Variants in RUNX1T1 observed in about 807,000 individuals in gnomAD.
RUNX1T1 encodes RUNX1 partner transcriptional co-repressor 1, also known as protein CBFA2T1.
In RUNX1T1, 4 loss-of-function variants were observed where a neutral mutation model predicts 62.8. The ratio of observed to expected loss-of-function variants is 0.06; its 90% CI spans 0.03 to 0.15. The LOEUF is 0.15. Among genes scored for constraint, RUNX1T1 ranks in the 10% least tolerant of loss-of-function variants. The probability of loss-of-function intolerance (pLI) is 1.00; values close to 1 mark genes in which losing one functional copy is unlikely to be tolerated. For synonymous variants in RUNX1T1, 291 were observed against 286.0 expected (o/e 1.02, Z -0.18); for missense variants, 508 against 754.3 (o/e 0.67, Z 3.82).
chr8:91,989,202 T>C (rs891194726), intron 6 of RUNX1T1, among the ~76,000 whole-genome samples: 4 of 152,136 alleles, frequency 2.6e-5, no homozygotes, highest in African/African-American at 9.7e-5. Flanking sequence ...AGGATTCTCG[T>C]GAGTATATGT....
intron 10 of RUNX1T1, among the ~76,000 whole-genome samples, chr8:91,961,044 G>A (rs181958071): frequency 9.5e-4 from 145 of 152,338 alleles, no homozygotes; most frequent in African/African-American, 3.4e-3. Context: ...TAGACAAGGT[G>A]AGGCAAAGTC....
At chr8:92,075,494 T>A (rs535050460) in intron 2 of RUNX1T1, among the ~76,000 whole-genome samples, 18 of 152,308 alleles carry the variant, frequency 1.2e-4, no homozygotes, top group African/African-American at 4.3e-4. Context: ...TGCCTAAAAG[T>A]TTTTTAAAAA....
At chr8:92,102,008 C>T (rs1255695400), upstream of RUNX1T1, among the ~76,000 whole-genome samples, 1 of 152,214 alleles carries the variant, frequency 6.6e-6, no homozygotes, top group Non-Finnish European at 1.5e-5. This position sits in a 1 kb window ranked among gnomAD's most constrained non-coding sequence, Gnocchi z 4.5. Context: ...GTCTGGACCC[C>T]TTCGGGCGGG....
intron 1 of RUNX1T1, among the ~76,000 whole-genome samples, chr8:92,040,454 C>T (rs1326546800): frequency 6.6e-6 from 1 of 152,158 alleles, no homozygotes; most frequent in Non-Finnish European, 1.5e-5. Flanking sequence ...GCTTAGCACA[C>T]AGCTAATTCT....
intron 1 of RUNX1T1, among the ~76,000 whole-genome samples, chr8:92,028,076 T>TGGGG (rs57015512): frequency 2.5e-5 from 1 of 40,304 alleles, no homozygotes; most frequent in Admixed American, 3.6e-4. Flanking sequence ...ATGGAATAAA[T>TGGGG]GGGGGGGGGG....
exon 2 of RUNX1T1, chr8:92,076,065 G>C: frequency 6.2e-7 from 1 of 1,606,472 alleles, no homozygotes; most frequent in Non-Finnish European, 8.5e-7. Context: ...TCCACCAATC[G>C]CTCTGCTAAT....
rs761199947 is a variant in RUNX1T1 at position 92,062,715 on chromosome 8, A to C, written c.-163T>G. The C allele has an allele frequency of 5.3e-5, 83 of 1,578,566 alleles. 1 individual carries two copies. In the South Asian group the frequency reaches 6.2e-4, roughly 12 times the overall value. The stretch of plus-strand genomic sequence containing the variant: ...AGGGTGCTGGGCGCGTGCGCCTGCC[A>C]GGCAGAGACAGATGGAGAGCTGACA... On this transcript the variant is annotated 5_prime_UTR_variant, in exon 1 of 11. Coordinates refer to ENST00000396218, the Ensembl canonical transcript of RUNX1T1.
intron 10 of RUNX1T1, among the ~76,000 whole-genome samples, chr8:91,961,205 A>G (rs2130434839): frequency 6.6e-6 from 1 of 152,346 alleles, no homozygotes; most frequent in South Asian, 2.1e-4. Context: ...TATCTGAAGC[A>G]CCCAGAATGG....
intron 1 of RUNX1T1, among the ~76,000 whole-genome samples, chr8:92,024,978 T>G (rs1328705426): frequency 1.3e-5 from 2 of 152,168 alleles, no homozygotes; most frequent in Non-Finnish European, 2.9e-5. Context: ...GCATTCTTGG[T>G]CAAATGCCTG....
chr8:91,984,251 T>C (rs993076658), intron 8 of RUNX1T1, among the ~76,000 whole-genome samples: 2 of 152,196 alleles, frequency 1.3e-5, no homozygotes, highest in East Asian at 3.9e-4. Flanking sequence ...CTGGAGAACA[T>C]GATATATACC....
intron 1 of RUNX1T1, among the ~76,000 whole-genome samples, chr8:92,046,691 C>T (rs1829462993): frequency 6.6e-6 from 1 of 152,150 alleles, no homozygotes; most frequent in South Asian, 2.1e-4. Context: ...TGCAGCCTGA[C>T]TGTTAGTTTA....
At chr8:92,011,003 T>G in exon 4 of RUNX1T1, 1 of 1,572,308 alleles carries the variant, frequency 6.4e-7, no homozygotes, top group East Asian at 2.2e-5. Flanking sequence ...GTGCAATACC[T>G]TCAAAAATGG....
At chr8:92,053,651 A>G (rs971256146) in intron 1 of RUNX1T1, among the ~76,000 whole-genome samples, 1 of 152,216 alleles carries the variant, frequency 6.6e-6, no homozygotes, top group African/African-American at 2.4e-5. Flanking sequence ...TCATTCGTAA[A>G]GACCACTTAC....
intron 1 of RUNX1T1, among the ~76,000 whole-genome samples, chr8:92,021,080 T>C (rs917805858): frequency 1.3e-5 from 2 of 152,192 alleles, no homozygotes; most frequent in African/African-American, 4.8e-5. Flanking sequence ...ATTATCGAAG[T>C]CTCAGAGATG....
upstream of RUNX1T1, among the ~76,000 whole-genome samples, chr8:92,102,097 G>C (rs1838063692): frequency 6.6e-6 from 1 of 152,234 alleles, no homozygotes; most frequent in South Asian, 2.1e-4. This position sits in a 1 kb window ranked among gnomAD's most constrained non-coding sequence, Gnocchi z 4.5. Flanking sequence ...ACACCCAGGA[G>C]GGCCGGGGCG....
chr8:92,094,959 GTCTCTTTAAA>G, intron 1 of RUNX1T1: 1 of 1,128,428 alleles, frequency 8.9e-7, no homozygotes, highest in Non-Finnish European at 1.3e-6. Flanking sequence ...CCTTTATCGA[GTCTCTTTAAA>G]CCTATTCAGA....
At chr8:92,006,971 A>C (rs1299137051) in intron 4 of RUNX1T1, among the ~76,000 whole-genome samples, 1 of 152,200 alleles carries the variant, frequency 6.6e-6, no homozygotes, top group East Asian at 1.9e-4. Context: ...CACTGTAACA[A>C]TGGAAATGAC....
At chr8:91,962,934 C>T (rs1810827540) in intron 10 of RUNX1T1, among the ~76,000 whole-genome samples, 1 of 152,158 alleles carries the variant, frequency 6.6e-6, no homozygotes, top group South Asian at 2.1e-4. Flanking sequence ...CTCAATGGCT[C>T]CTTCAGATTG....
At chr8:92,015,130 T>C (rs1035999118) in intron 2 of RUNX1T1, among the ~76,000 whole-genome samples, 5 of 152,174 alleles carry the variant, frequency 3.3e-5, no homozygotes, top group African/African-American at 1.2e-4. Context: ...GTTTCAAAAA[T>C]AGAACAGACA....
Sources: allele counts gnomAD v4.1 joint callset (sites outside exome capture counted in the v4.1 genomes callset), GRCh38; gene constraint gnomAD v4.1.1; non-coding constraint Gnocchi (gnomAD v3.1); transcripts MANE v1.5; gene names NCBI Gene and HGNC (gene_info 2026-07-23, HGNC 2026-07-21).